GSG1L: variants seen among roughly 807,000 people sequenced by gnomAD.
GSG1L encodes germ cell-specific gene 1-like protein.
A neutral mutation model predicts 42.1 loss-of-function variants in GSG1L; 24 were observed. The observed-to-expected ratio is 0.57, with a 90% confidence interval of 0.41 to 0.80. The LOEUF is 0.80. GSG1L is among the 30% of genes least tolerant of loss of function. The probability of loss-of-function intolerance (pLI) is 0.00; values close to 1 mark genes in which losing one functional copy is unlikely to be tolerated. For synonymous variants in GSG1L, 215 were observed against 203.5 expected, an observed-to-expected ratio of 1.06 and a Z score of -0.48; for missense variants, 445 against 472.2, an observed-to-expected ratio of 0.94 and a Z score of 0.53.
chr16:27,972,707 G>A (rs556488192), intron 1 of GSG1L, among the ~76,000 whole-genome samples: 47 of 152,242 alleles, frequency 3.1e-4, no homozygotes, highest in African/African-American at 9.4e-4. Flanking sequence ...ATCAATTTAC[G>A]TGATTCTTAA....
chr16:27,940,109 T>A (rs371029394), intron 2 of GSG1L, among the ~76,000 whole-genome samples: 24 of 152,202 alleles, frequency 1.6e-4, no homozygotes, highest in African/African-American at 5.1e-4. Flanking sequence ...AAAATGCTCA[T>A]CATCACTGGC....
chr16:28,010,344 C>T (rs2085701375), intron 1 of GSG1L, among the ~76,000 whole-genome samples: 1 of 152,166 alleles, frequency 6.6e-6, no homozygotes, highest in South Asian at 2.1e-4. Flanking sequence ...AATGCAGAGG[C>T]AGGTTAGGGT....
intron 2 of GSG1L, among the ~76,000 whole-genome samples, chr16:27,892,847 A>C (rs1567508171): frequency 6.6e-6 from 1 of 152,256 alleles, no homozygotes; most frequent in South Asian, 2.1e-4. Flanking sequence ...GCTAGGAAAG[A>C]AAAGTAGGTG....
chr16:27,817,265 C>A (rs1319213585), intron 5 of GSG1L, among the ~76,000 whole-genome samples: 2 of 152,152 alleles, frequency 1.3e-5, no homozygotes, highest in Non-Finnish European at 2.9e-5. Context: ...TGCCCTGGGG[C>A]CTCCCCAGCC....
intron 3 of GSG1L, among the ~76,000 whole-genome samples, chr16:27,853,905 T>C (rs531017500): frequency 2.6e-5 from 4 of 152,002 alleles, no homozygotes; most frequent in Non-Finnish European, 4.4e-5. Context: ...ATATCTGACA[T>C]TAATGGACAT....
At chr16:28,045,280 G>C (rs2086148673) in intron 1 of GSG1L, among the ~76,000 whole-genome samples, 1 of 152,234 alleles carries the variant, frequency 6.6e-6, no homozygotes. Context: ...TCTGGTGGGA[G>C]ATGTTGATAA....
intron 2 of GSG1L, among the ~76,000 whole-genome samples, chr16:27,911,947 C>T (rs879349015): frequency 5.3e-5 from 8 of 152,186 alleles, no homozygotes; most frequent in Admixed American, 5.2e-4. Flanking sequence ...TTTTTGTCTC[C>T]TATATGCCAC....
At chr16:27,850,300 T>G (rs543087531) in intron 3 of GSG1L, among the ~76,000 whole-genome samples, 39 of 152,228 alleles carry the variant, frequency 2.6e-4, no homozygotes, top group African/African-American at 9.4e-4. Flanking sequence ...GTGCTGGGAA[T>G]ACAGGCGTGA....
At chr16:27,859,698 T>TA (rs2083619764) in intron 3 of GSG1L, among the ~76,000 whole-genome samples, 1 of 152,184 alleles carries the variant, frequency 6.6e-6, no homozygotes, top group Non-Finnish European at 1.5e-5. Context: ...TTTTGAGAGT[T>TA]AGAGTCTCAC....
intron 5 of GSG1L, among the ~76,000 whole-genome samples, chr16:27,810,166 G>T (rs530274745): frequency 6.6e-6 from 1 of 152,306 alleles, no homozygotes; most frequent in South Asian, 2.1e-4. Context: ...GGGAAGACAA[G>T]CTTGCACCCT....
intron 6 of GSG1L, among the ~76,000 whole-genome samples, chr16:27,802,998 C>A (rs2082900957): frequency 6.6e-6 from 1 of 151,948 alleles, no homozygotes; most frequent in Admixed American, 6.6e-5. Flanking sequence ...GATCTGGCTG[C>A]CTCCTGGAGG....
At chr16:27,859,841 A>AT (rs576791634) in intron 3 of GSG1L, among the ~76,000 whole-genome samples, 1,485 of 141,742 alleles carry the variant, frequency 0.01, 15 homozygotes, top group African/African-American at 0.025. Context: ...ATGCCCAGCT[A>AT]TTTTTTTTTT....
chr16:27,808,915 C>T (rs748126946), intron 5 of GSG1L, among the ~76,000 whole-genome samples: 44 of 152,170 alleles, frequency 2.9e-4, no homozygotes, highest in Admixed American at 1.3e-3. Context: ...GGTGCATGGC[C>T]TCTGACACAG....
At chr16:28,032,933 T>TC (rs778812631) in intron 1 of GSG1L, among the ~76,000 whole-genome samples, 5 of 152,198 alleles carry the variant, frequency 3.3e-5, no homozygotes, top group Non-Finnish European at 5.9e-5. Flanking sequence ...TCCCCAGTCC[T>TC]CAATCAGAAT....
At chr16:28,048,655 A>G (rs923367494) in intron 1 of GSG1L, among the ~76,000 whole-genome samples, 41 of 152,260 alleles carry the variant, frequency 2.7e-4, no homozygotes, top group African/African-American at 9.6e-4. Flanking sequence ...CAAAATTGTC[A>G]TTGCATAATT....
intron 2 of GSG1L, among the ~76,000 whole-genome samples, chr16:27,920,804 C>T (rs897440096): frequency 1.3e-5 from 2 of 152,188 alleles, no homozygotes; most frequent in South Asian, 2.1e-4. Flanking sequence ...GCACAGCAGG[C>T]GTGTCCAGAC....
At chr16:28,004,519 A>T (rs927581636) in intron 1 of GSG1L, among the ~76,000 whole-genome samples, 3 of 151,688 alleles carry the variant, frequency 2.0e-5, no homozygotes, top group Non-Finnish European at 4.4e-5. Flanking sequence ...TTACACTTAT[A>T]ATCCTAGGGC....
intron 5 of GSG1L, chr16:27,823,929 G>A: frequency 1.4e-6 from 1 of 702,938 alleles, no homozygotes; most frequent in East Asian, 2.7e-5. Flanking sequence ...TAAAATGGAG[G>A]TGACAATAAC....
intron 4 of GSG1L, among the ~76,000 whole-genome samples, chr16:27,829,458 C>T (rs1029836205): frequency 1.3e-5 from 2 of 152,142 alleles, no homozygotes; most frequent in African/African-American, 4.8e-5. Flanking sequence ...GGGGCAGACA[C>T]CCTAAAAGCT....
Sources: allele counts gnomAD v4.1 joint callset (sites outside exome capture counted in the v4.1 genomes callset), GRCh38; gene constraint gnomAD v4.1.1; transcripts MANE v1.5; gene names NCBI Gene and HGNC (gene_info 2026-07-23, HGNC 2026-07-21).